Variants in PALS2 observed in about 807,000 individuals in gnomAD.
The protein encoded by PALS2 is protein PALS2.
In PALS2, 27 loss-of-function variants were observed where a neutral mutation model predicts 61.6. The observed-to-expected ratio is 0.44, with a 90% CI of 0.32 to 0.60. The LOEUF (loss-of-function observed/expected upper bound fraction) is 0.60. PALS2 is among the 20% of genes least tolerant of loss of function. The pLI is 0.05. For missense variants in PALS2, 554 were observed against 639.4 expected, an observed-to-expected ratio of 0.87 and a Z score of 1.44; for synonymous variants, 236 against 218.6, an observed-to-expected ratio of 1.08 and a Z score of -0.70.
At chr7:24,584,742 C>T (rs1261518862) in intron 1 of PALS2, among the ~76,000 whole-genome samples, 3 of 151,952 alleles carry the variant, frequency 2.0e-5, no homozygotes, top group South Asian at 4.2e-4. Context: ...TTGCCCATGC[C>T]TATGTCCTGA....
intron 2 of PALS2, 74 bp downstream of exon 2, chr7:24,623,858 T>C (rs1784624469): frequency 3.3e-6 from 4 of 1,194,700 alleles, no homozygotes; most frequent in East Asian, 2.4e-5. Flanking sequence ...CAGATATTAC[T>C]ATTTTAGAAT....
chr7:24,578,945 TTTGA>T (rs368689259), intron 1 of PALS2, among the ~76,000 whole-genome samples: 32 of 152,212 alleles, frequency 2.1e-4, no homozygotes, highest in East Asian at 1.9e-4. Flanking sequence ...TGATTTGCAG[TTTGA>T]TTGAGGAAGA....
chr7:24,574,010 G>A (rs947979489), intron 1 of PALS2: 2 of 152,192 alleles, frequency 1.3e-5, no homozygotes, highest in African/African-American at 4.8e-5. Context: ...ACACCTCTGC[G>A]GCGGGAGTCG....
chr7:24,606,938 TTTATA>T (rs1364607220), intron 1 of PALS2, among the ~76,000 whole-genome samples: 8 of 152,120 alleles, frequency 5.3e-5, no homozygotes, highest in African/African-American at 1.9e-4. Context: ...TGAAAGTACT[TTTATA>T]TAGTGCTTTT....
At chr7:24,628,426 T>C (rs895984738) in intron 2 of PALS2, among the ~76,000 whole-genome samples, 4 of 152,126 alleles carry the variant, frequency 2.6e-5, no homozygotes, top group Non-Finnish European at 4.4e-5. Context: ...GGGCAAAAGC[T>C]AGAAGTATTC....
At chr7:24,600,252 A>G (rs1035590896) in intron 1 of PALS2, among the ~76,000 whole-genome samples, 1 of 151,984 alleles carries the variant, frequency 6.6e-6, no homozygotes, top group Admixed American at 6.6e-5. Flanking sequence ...TTCACTGTAC[A>G]TTTTCTTGAG....
intron 1 of PALS2, among the ~76,000 whole-genome samples, chr7:24,576,886 A>G (rs778293157): frequency 1.3e-5 from 2 of 152,224 alleles, no homozygotes; most frequent in Non-Finnish European, 2.9e-5. Flanking sequence ...TATCATAGTC[A>G]TATAGATAAG....
intron 1 of PALS2, among the ~76,000 whole-genome samples, chr7:24,593,711 G>A (rs191440938): frequency 2.0e-5 from 3 of 152,222 alleles, no homozygotes; most frequent in African/African-American, 4.8e-5. Flanking sequence ...TTTCTGAGCA[G>A]TATGTCTCAA....
intron 2 of PALS2, among the ~76,000 whole-genome samples, chr7:24,634,826 A>G (rs1785163461): frequency 6.6e-6 from 1 of 152,124 alleles, no homozygotes; most frequent in African/African-American, 2.4e-5. Context: ...GTTGAAAGGA[A>G]TATTTTTTCC....
At position 24,595,057 on chromosome 7, in the gene PALS2, A is replaced by T. The variant is rs1243907012; in HGVS notation, c.-3+21464A>T. On this transcript the variant is annotated intron_variant, in intron 1 of 11. Coordinates refer to ENST00000222644, the MANE Select transcript of PALS2 (RefSeq NM_001303037.2). ...GTGCAGTAAAATGAGGTATGCCTGTAGAAGGTTTTAGATATTCAGGTGAGA... is the reference window on the plus strand; with the variant it reads ...GTGCAGTAAAATGAGGTATGCCTGTTGAAGGTTTTAGATATTCAGGTGAGA... 2.0e-5 allele frequency among the ~76,000 whole-genome samples: 3 copies of T among 152,110 alleles called. No homozygotes were observed. In the East Asian group the frequency reaches 5.8e-4, roughly 29 times the overall value.
rs1258828256 is a variant in PALS2 at position 24,618,117 on chromosome 7, T to C, written c.-2-5549T>C. On this transcript the variant is annotated intron_variant, in intron 1 of 11. Transcript: ENST00000222644. The surrounding 1 kb of genome is among the most constrained non-coding windows in gnomAD (Gnocchi z 5.1). ...TTCACCAGAGGCTAGCCTGCCAGGCTGTTTTTCAGGCTCAGGACATGGGTG... is the reference window on the plus strand; with the variant it reads ...TTCACCAGAGGCTAGCCTGCCAGGCCGTTTTTCAGGCTCAGGACATGGGTG... Among the ~76,000 whole-genome samples the C allele has an allele frequency of 6.6e-6, 1 of 152,156 alleles. No individual in the cohort carries two copies. Among genetic ancestry groups the C allele is most frequent in the Non-Finnish European group, 1.5e-5 (1 of 68,016 alleles).
At chr7:24,680,775 T>C (rs1216478571) in intron 11 of PALS2, among the ~76,000 whole-genome samples, 1 of 152,134 alleles carries the variant, frequency 6.6e-6, no homozygotes, top group Non-Finnish European at 1.5e-5. Flanking sequence ...TTTGTATTTT[T>C]AGTAGAGACG....
intron 1 of PALS2, among the ~76,000 whole-genome samples, chr7:24,599,357 A>T (rs1368116498): frequency 6.6e-6 from 1 of 152,018 alleles, no homozygotes; most frequent in Non-Finnish European, 1.5e-5. Flanking sequence ...TATTTTTTAA[A>T]TTTTTTCTTC....
chr7:24,624,176 T>C, intron 2 of PALS2: 2 of 1,222,028 alleles, frequency 1.6e-6, no homozygotes, highest in South Asian at 1.4e-5. Flanking sequence ...TGACTTCCTT[T>C]ATCTAGTGCT....
chr7:24,639,634 C>G (rs1429225282), intron 2 of PALS2, among the ~76,000 whole-genome samples: 1 of 151,140 alleles, frequency 6.6e-6, no homozygotes. Context: ...GCAATTCTAG[C>G]TTATTTCATA....
chr7:24,667,051 A>C (rs1562653460), intron 8 of PALS2: 1 of 152,178 alleles, frequency 6.6e-6, no homozygotes, highest in Non-Finnish European at 1.5e-5. Context: ...GCTTTCTCTT[A>C]ATATTGGTTT....
chr7:24,574,867 A>G (rs949614937), intron 1 of PALS2, among the ~76,000 whole-genome samples: 1 of 152,204 alleles, frequency 6.6e-6, no homozygotes, highest in African/African-American at 2.4e-5. Flanking sequence ...TAGTTTCCGT[A>G]TATAGGTATA....
intron 8 of PALS2, among the ~76,000 whole-genome samples, chr7:24,667,213 A>G (rs1787066526): frequency 6.6e-6 from 1 of 152,180 alleles, no homozygotes; most frequent in South Asian, 2.1e-4. Flanking sequence ...CATAAAATAT[A>G]TGCCCATAAG....
chr7:24,631,782 A>G (rs1459932983), intron 2 of PALS2, among the ~76,000 whole-genome samples: 1 of 152,256 alleles, frequency 6.6e-6, no homozygotes, highest in East Asian at 1.9e-4. Flanking sequence ...ACACAGGCAA[A>G]AAGATTTTGA....
Sources: allele counts gnomAD v4.1 joint callset (sites outside exome capture counted in the v4.1 genomes callset), GRCh38; gene constraint gnomAD v4.1.1; non-coding constraint Gnocchi (gnomAD v3.1); transcripts MANE v1.5; gene names NCBI Gene and HGNC (gene_info 2026-07-23, HGNC 2026-07-21).